PKD1: variants seen among roughly 807,000 people sequenced by gnomAD.
The protein encoded by PKD1 is polycystin 1, transient receptor potential channel interacting.
PKD1 carries 81 observed loss-of-function variants against 361.7 expected under a neutral mutation model. That is an observed-to-expected ratio of 0.22 (90% CI 0.19 to 0.27). The LOEUF is 0.27. PKD1 is among the 10% of genes least tolerant of loss of function. PKD1 has a pLI of 1.00. For missense variants in PKD1, 6,399 were observed against 6,118.3 expected (o/e 1.05, Z -1.53); for synonymous variants, 3,615 against 2,818.3 (o/e 1.28, Z -8.95).
chr16:2,105,854 G>C lies in PKD1; in HGVS notation c.7863+11C>G, dbSNP rs368629973. 5 of 1,595,074 alleles carry C rather than the reference G, an allele frequency of 3.1e-6. No individual in the cohort carries two copies. The highest frequency in any genetic ancestry group is 4.2e-6 in the Non-Finnish European group (5 of 1,178,840). On this transcript the variant is annotated intron_variant, in intron 20 of 45. Transcript: ENST00000262304. ...CAGCAGATGTGACGTCCCCTCCCAG[G>C]CTGCACTCACCTCGTTCAGCACGGT...
At chr16:2,128,515 G>C (rs1293504587) in intron 1 of PKD1, among the ~76,000 whole-genome samples, 1 of 152,078 alleles carries the variant, frequency 6.6e-6, no homozygotes, top group Non-Finnish European at 1.5e-5. Flanking sequence ...GGCTGCAGGG[G>C]TCTGCCCCAG....
chr16:2,101,558 C>T (rs183970922), intron 26 of PKD1, among the ~76,000 whole-genome samples: 2 of 152,322 alleles, frequency 1.3e-5, no homozygotes, highest in Admixed American at 6.5e-5. Flanking sequence ...CTGGAAGTTG[C>T]TGTGAGCCAA....
At position 2,100,549 on chromosome 16, in the gene PKD1, C is replaced by T. The variant is rs1165123201; in HGVS notation, c.9415G>A (p.Gly3139Ser). The change falls in exon 27 of 46, where the codon GGC becomes AGC. Residue 3139 changes from glycine (G) to serine (S), a missense_variant. Gly to Ser is a moderately conservative substitution (Grantham distance 56). Transcript: ENST00000262304. This position sits in a 1 kb window ranked among gnomAD's most constrained non-coding sequence, Gnocchi z 4.4. ...GRGSGTTAHVGIMLYGVDSRS... is the reference protein window; with the variant it reads ...GRGSGTTAHVSIMLYGVDSRS... ...CTGTCCACCCCATACAGCATGATGC[C>T]CACGTGGGCCGTGGTACCTGGGAGG... 2 of 1,610,432 alleles carry T rather than the reference C, an allele frequency of 1.2e-6. No individual in the cohort carries two copies. The highest frequency in any genetic ancestry group is 1.7e-6 in the Non-Finnish European group (2 of 1,179,652).
In PKD1 at chr16:2,108,600, C is replaced by T. The variant is rs2092421170; in HGVS notation, c.6567G>A (p.Val2189=). The change falls in exon 15 of 46, where the codon GTG becomes GTA. Residue 2189 remains valine, a synonymous_variant. Transcript: ENST00000262304. ...VTYQTEYRWE[V]YRTASCQRPG... ...GCCGCTGGCAGCTGGCGGTGCGATA[C>T]ACCTCCCAGCGGTACTCAGTCTGGT... The T allele has an allele frequency of 3.2e-6, 5 of 1,557,774 alleles. No homozygotes were observed. The highest frequency in any genetic ancestry group is 1.2e-5 in the South Asian group (1 of 85,338).
At position 2,100,613 on chromosome 16, in the gene PKD1, A is replaced by C. The variant is rs373168276; in HGVS notation, c.9398-47T>G. 618 of 1,521,540 alleles carry C rather than the reference A, an allele frequency of 4.1e-4. 4 individuals are homozygous for C. The highest frequency in any genetic ancestry group is 1.3e-4 in the Admixed American group (8 of 59,514). The allele number at this position is 1,521,540 out of a possible 1,614,324, so 94.3% of individuals were successfully genotyped here. A position where few individuals can be genotyped will look rare whatever the true frequency, so the allele number is the denominator to read the frequency against. On this transcript the variant is annotated intron_variant, in intron 26 of 45. Coordinates refer to ENST00000262304, the MANE Select transcript of PKD1 (RefSeq NM_001009944.3). The surrounding 1 kb of genome is among the most constrained non-coding windows in gnomAD (Gnocchi z 4.4). Reference sequence around the variant, plus strand: ...TGGGAGGCTCGGTCTGCTGCCCAACACGTGTGGCATCCCAGGCAAGTCATC... The same window carrying C: ...TGGGAGGCTCGGTCTGCTGCCCAACCCGTGTGGCATCCCAGGCAAGTCATC...
At chr16:2,108,203 G>A in intron 15 of PKD1, 49 bp downstream of exon 15, 2 of 1,536,422 alleles carry the variant, frequency 1.3e-6, no homozygotes, top group Non-Finnish European at 1.8e-6. Flanking sequence ...CTGGGCTCAT[G>A]GGTGTGGACG....
intron 1 of PKD1, among the ~76,000 whole-genome samples, chr16:2,126,876 C>A (rs1386056487): frequency 1.3e-5 from 2 of 152,204 alleles, no homozygotes; most frequent in African/African-American, 4.8e-5. Flanking sequence ...CCACCCCATA[C>A]CCTAGGGGAC....
intron 16 of PKD1, chr16:2,107,464 C>G: frequency 2.7e-6 from 1 of 365,744 alleles, no homozygotes; most frequent in Non-Finnish European, 5.2e-6. Context: ...CACCAGCAGG[C>G]CCCGCCTGAC....
chr16:2,101,563 AGCCAAGATCAT>A (rs1414664373), intron 26 of PKD1, among the ~76,000 whole-genome samples: 1 of 152,200 alleles, frequency 6.6e-6, no homozygotes, highest in Non-Finnish European at 1.5e-5. Flanking sequence ...AGTTGCTGTG[AGCCAAGATCAT>A]GCCATTGCAC....
At position 2,090,960 on chromosome 16, in the gene PKD1, C is replaced by T. The variant is rs1022699284; in HGVS notation, c.11927G>A (p.Ser3976Asn). The T allele has an allele frequency of 1.3e-6, 2 of 1,555,098 alleles. No individual in the cohort carries two copies. Among genetic ancestry groups the T allele is most frequent in the South Asian group, 1.2e-5 (1 of 86,704 alleles). ...FVRGRPRRFT[S>N]FDQVAQLSSA... The stretch of plus-strand genomic sequence containing the variant: ...GCTCAGCTGCGCCACCTGGTCGAAG[C>T]TAGTGAAGCGGCGCGGGCGGCCGCG... Residue 3976 changes from serine to asparagine, a missense_variant, in exon 43 of 46, where the codon AGC becomes AAC. Ser to Asn is a conservative substitution (Grantham distance 46, BLOSUM62 1). Coordinates refer to ENST00000262304, the MANE Select transcript of PKD1 (RefSeq NM_001009944.3).
At chr16:2,101,554 G>A (rs1036350934) in intron 26 of PKD1, among the ~76,000 whole-genome samples, 2 of 152,226 alleles carry the variant, frequency 1.3e-5, no homozygotes, top group Non-Finnish European at 2.9e-5. Context: ...GGAGCTGGAA[G>A]TTGCTGTGAG....
Position 2,090,064 on chromosome 16 carries a change from C to T in PKD1, c.12575G>A (p.Ser4192Asn). ...SDASHPSTSS[S>N]QLDGLSVSLG... ...GCTCACGCTCAGCCCATCCAGCTGG[C>T]TGGAGGAGGTGGAGGGGTGCGAGGC... The change falls in exon 46 of 46, where the codon AGC (serine) becomes AAC (asparagine). Residue 4192 changes from serine (S) to asparagine (N), a missense_variant. Transcript: ENST00000262304. 2 of 1,610,954 alleles carry T rather than the reference C, an allele frequency of 1.2e-6. No individual in the cohort carries two copies. The highest frequency in any genetic ancestry group is 1.7e-6 in the Non-Finnish European group (2 of 1,178,774).
Position 2,109,344 on chromosome 16 carries a change from G to A in PKD1, c.5823C>T (p.Pro1941=). 2.5e-6 allele frequency: 4 copies of A among 1,591,592 alleles called. No homozygotes were observed. Among genetic ancestry groups the A allele is most frequent in the Non-Finnish European group, 3.4e-6 (4 of 1,173,244 alleles). Residue 1941 remains proline (P), a synonymous_variant, in exon 15 of 46, where the codon CCC becomes CCT. Coordinates refer to ENST00000262304, the MANE Select transcript of PKD1 (RefSeq NM_001009944.3). ...CGCTCACCACGTGGTCTCCGACGCG[G>A]GGGAAGCTGTGGGAGAAACGGGGCC... The part of the protein sequence containing the change: ...LPGPRFSHSF[P]RVGDHVVSVR...
Position 2,102,559 on chromosome 16 carries a change from A to T in PKD1, c.9023T>A (p.Val3008Glu). 1 of 1,611,008 alleles carries T rather than the reference A, an allele frequency of 6.2e-7. No homozygotes were observed. Residue 3008 changes from valine to glutamate, a missense_variant, in exon 25 of 46, where the codon GTG (valine) becomes GAG (glutamate). By Grantham distance (121) the Val-to-Glu change is moderately radical. Transcript: ENST00000262304. ...HFRWSALQVS[V>E]GLYTSLCQYF... ...CTGGCACAGGGACGTGTACAGGCCC[A>T]CGGACACCTGCAGCGCCGACCAGCG...
rs778122129 is a variant in PKD1 at position 2,109,293 on chromosome 16, C to G, written c.5874G>C (p.Trp1958Cys). The change falls in exon 15 of 46, where the codon TGG (tryptophan) becomes TGC (cysteine). Residue 1958 changes from tryptophan (W) to cysteine (C), a missense_variant. By Grantham distance (215) the Trp-to-Cys change is radical (BLOSUM62 -2). Coordinates refer to ENST00000262304, the MANE Select transcript of PKD1 (RefSeq NM_001009944.3). The part of the protein sequence containing the change: ...VSVRGKNHVS[W>C]AQAQVRIVVL... ...CCACGATGCGCACCTGCGCCTGGGC[C>G]CAGCTCACGTGGTTTTTGCCCCGCA... The G allele has an allele frequency of 1.9e-6, 3 of 1,584,612 alleles. No individual in the cohort carries two copies. The highest frequency in any genetic ancestry group is 1.7e-6 in the Non-Finnish European group (2 of 1,167,820).
chr16:2,093,527 G>T lies in PKD1; in HGVS notation c.11016+17C>A. Reference sequence around the variant, plus strand: ...AGAGACGGAGGTGGCAGGGGCACAGGCCGCACCCAGGCTCACCCGCAGCAT... The same window carrying T: ...AGAGACGGAGGTGGCAGGGGCACAGTCCGCACCCAGGCTCACCCGCAGCAT... On this transcript the variant is annotated intron_variant, in intron 37 of 45. Coordinates refer to ENST00000262304, the MANE Select transcript of PKD1 (RefSeq NM_001009944.3). 6.3e-7 allele frequency: 1 copy of T among 1,585,632 alleles called. No individual in the cohort carries two copies. The highest frequency in any genetic ancestry group is 1.8e-5 in the Admixed American group (1 of 56,390).
At chr16:2,090,264 C>T (rs752963472) in intron 45 of PKD1, 21 bp downstream of exon 45, 92 of 1,608,482 alleles carry the variant, frequency 5.7e-5, no homozygotes, top group Non-Finnish European at 7.5e-5. Context: ...GTCCCTCTCC[C>T]CCCCACTGGG....
rs569401671 is a variant in PKD1 at position 2,111,093 on chromosome 16, C to A, written c.4074G>T (p.Ala1358=). ...TGTTCACGCGGCTGGACAGCACCAG[C>A]GCCAGGGGGAACGTGCCGCTCCGCG... The part of the protein sequence containing the change: ...NFTRSGTFPL[A]LVLSSRVNRA... The change falls in exon 15 of 46, where the codon GCG becomes GCT. Residue 1358 remains alanine, a synonymous_variant. Transcript: ENST00000262304. 1 of 1,610,720 alleles carries A rather than the reference C, an allele frequency of 6.2e-7. No individual in the cohort carries two copies. The highest frequency in any genetic ancestry group is 1.1e-5 in the South Asian group (1 of 90,992).
intron 1 of PKD1, among the ~76,000 whole-genome samples, chr16:2,120,634 C>T (rs71240559): frequency 6.6e-6 from 1 of 152,136 alleles, no homozygotes; most frequent in East Asian, 1.9e-4. Context: ...CCAGGGAAGT[C>T]GAGGCTGCAG....
Sources: allele counts gnomAD v4.1 joint callset (sites outside exome capture counted in the v4.1 genomes callset), GRCh38; gene constraint gnomAD v4.1.1; non-coding constraint Gnocchi (gnomAD v3.1); transcripts MANE v1.5; gene names NCBI Gene and HGNC (gene_info 2026-07-23, HGNC 2026-07-21).